The following NRG3 variants were observed in gnomAD, a reference collection of about 807,000 sequenced individuals.
The protein encoded by NRG3 is pro-neuregulin-3, membrane-bound isoform.
In NRG3, 31 loss-of-function variants were observed where a neutral mutation model predicts 66.9. The observed-to-expected ratio is 0.46, with a 90% CI of 0.35 to 0.63. The LOEUF (loss-of-function observed/expected upper bound fraction) is 0.63, where lower values mean the gene tolerates loss of function less well. Ranked by LOEUF, NRG3 falls within the 20% of genes least tolerant of loss-of-function variation. The pLI is 0.00. For synonymous variants in NRG3, 393 were observed against 359.4 expected (o/e 1.09, Z -1.06); for missense variants, 910 against 878.9 (o/e 1.04, Z -0.45).
At chr10:82,231,799 C>T (rs2076481714) in intron 1 of NRG3, among the ~76,000 whole-genome samples, 1 of 152,148 alleles carries the variant, frequency 6.6e-6, no homozygotes, top group African/African-American at 2.4e-5. Context: ...CAAAATGTTA[C>T]ATATCATTGT....
At chr10:82,110,310 A>T (rs781142121) in intron 1 of NRG3, among the ~76,000 whole-genome samples, 19 of 152,148 alleles carry the variant, frequency 1.2e-4, no homozygotes, top group Non-Finnish European at 2.5e-4. Context: ...TGGAGTGAAC[A>T]TGGGTGGGTG....
At chr10:82,036,664 T>C (rs2062805362) in intron 1 of NRG3, among the ~76,000 whole-genome samples, 1 of 152,156 alleles carries the variant, frequency 6.6e-6, no homozygotes, top group African/African-American at 2.4e-5. Context: ...TAGTACAGCA[T>C]TAACTATAAG....
chr10:82,624,017 A>T (rs2133645387), intron 2 of NRG3, among the ~76,000 whole-genome samples: 1 of 152,228 alleles, frequency 6.6e-6, no homozygotes, highest in South Asian at 2.1e-4. Context: ...CATGCTAAAT[A>T]TTATTGCTTT....
At chr10:82,487,608 C>T (rs1197469570) in intron 2 of NRG3, among the ~76,000 whole-genome samples, 1 of 152,122 alleles carries the variant, frequency 6.6e-6, no homozygotes, top group Non-Finnish European at 1.5e-5. Context: ...TTAGGCTTCA[C>T]ATCTAGTTGG....
chr10:82,207,127 G>T (rs1423499396), intron 1 of NRG3, among the ~76,000 whole-genome samples: 1 of 152,136 alleles, frequency 6.6e-6, no homozygotes, highest in Non-Finnish European at 1.5e-5. Context: ...TGACCTTTAA[G>T]GTATGTTCTA....
chr10:82,881,032 G>C (rs1591816919), intron 4 of NRG3, among the ~76,000 whole-genome samples: 1 of 152,186 alleles, frequency 6.6e-6, no homozygotes, highest in East Asian at 1.9e-4. Flanking sequence ...GTTGGAATAA[G>C]AGTGTGCTTT....
rs2064729146 is a variant in NRG3 at position 82,070,256 on chromosome 10, G to T, written c.823+194093G>T. ...AAGTTACTTTTTCCACATTGAGGGG[G>T]CCTTTCATGAGTACCAGGGAGAATG... is the stretch of plus-strand genomic sequence containing the variant. On this transcript the variant is annotated intron_variant, in intron 1 of 8. Transcript: ENST00000372141. Among the ~76,000 whole-genome samples, 3 of 152,236 alleles carry T rather than the reference G, an allele frequency of 2.0e-5. No homozygotes were observed. The South Asian group carries it at 6.2e-4, about 32-fold the overall frequency.
intron 2 of NRG3, among the ~76,000 whole-genome samples, chr10:82,512,682 C>G (rs941555847): frequency 5.3e-5 from 8 of 152,190 alleles, no homozygotes; most frequent in Non-Finnish European, 1.2e-4. Context: ...GCATGCTATT[C>G]TGATCTCCGC....
chr10:82,288,566 G>A (rs569560964), intron 1 of NRG3, among the ~76,000 whole-genome samples: 4 of 152,252 alleles, frequency 2.6e-5, no homozygotes, highest in South Asian at 4.1e-4. Context: ...CATTTATTGA[G>A]TGCCTACCAC....
intron 1 of NRG3, among the ~76,000 whole-genome samples, chr10:82,302,354 C>T (rs1164945790): frequency 6.6e-6 from 1 of 152,102 alleles, no homozygotes; most frequent in African/African-American, 2.4e-5. Flanking sequence ...CACAATTTAT[C>T]AGTAATCATA....
At chr10:82,036,921 T>C (rs1564757832) in intron 1 of NRG3, among the ~76,000 whole-genome samples, 1 of 152,146 alleles carries the variant, frequency 6.6e-6, no homozygotes, top group Non-Finnish European at 1.5e-5. Context: ...TGCTATAACA[T>C]GTCAATAGCC....
intron 2 of NRG3, among the ~76,000 whole-genome samples, chr10:82,611,220 G>A (rs1336936165): frequency 2.0e-5 from 3 of 151,622 alleles, no homozygotes; most frequent in Admixed American, 6.6e-5. Flanking sequence ...CATCGAAACT[G>A]AATTTTTCTT....
chr10:81,992,200 AT>A (rs1260124838), intron 1 of NRG3, among the ~76,000 whole-genome samples: 1 of 151,994 alleles, frequency 6.6e-6, no homozygotes, highest in Non-Finnish European at 1.5e-5. Context: ...AAATAAAATT[AT>A]TTTTTTCTTT....
intron 1 of NRG3, among the ~76,000 whole-genome samples, chr10:82,067,641 C>T (rs1033442127): frequency 6.6e-6 from 1 of 152,220 alleles, no homozygotes; most frequent in Non-Finnish European, 1.5e-5. Context: ...AGCCACCACA[C>T]CTGGCCTGTC....
At chr10:82,511,957 G>A (rs1473042995) in intron 2 of NRG3, among the ~76,000 whole-genome samples, 3 of 152,032 alleles carry the variant, frequency 2.0e-5, no homozygotes, top group African/African-American at 4.8e-5. Flanking sequence ...TTCAGAAACT[G>A]TATTGTTCTT....
chr10:82,301,758 C>T (rs944792639), intron 1 of NRG3, among the ~76,000 whole-genome samples: 2 of 147,520 alleles, frequency 1.4e-5, no homozygotes, highest in African/African-American at 5.0e-5. Flanking sequence ...CCTGATTGTA[C>T]TTTTAAGCTT....
chr10:82,315,588 G>T (rs1485521835), intron 1 of NRG3, among the ~76,000 whole-genome samples: 1 of 151,890 alleles, frequency 6.6e-6, no homozygotes, highest in Non-Finnish European at 1.5e-5. Flanking sequence ...GAACATGGGT[G>T]CATTCTGCTA....
At chr10:82,625,527 A>T (rs895359017) in intron 2 of NRG3, among the ~76,000 whole-genome samples, 1 of 152,148 alleles carries the variant, frequency 6.6e-6, no homozygotes, top group African/African-American at 2.4e-5. Flanking sequence ...GTATGAAGCA[A>T]TCCTTCTTAA....
chr10:82,711,247 T>G lies in NRG3; in HGVS notation c.954-27330T>G, dbSNP rs145316231. On this transcript the variant is annotated intron_variant, in intron 2 of 8. Transcript: ENST00000372141. ...GTGTGTGCAACCATGTCTGGCTATT[T>G]TATTTTTTATTTTTATTTTTTTAGA... Among the ~76,000 whole-genome samples the G allele has an allele frequency of 5.2e-3, 791 of 152,126 alleles. 4 individuals carry two copies. The highest frequency in any genetic ancestry group is 8.1e-3 in the Non-Finnish European group (549 of 68,008).
Sources: allele counts gnomAD v4.1 joint callset (sites outside exome capture counted in the v4.1 genomes callset), GRCh38; gene constraint gnomAD v4.1.1; transcripts MANE v1.5; gene names NCBI Gene and HGNC (gene_info 2026-07-23, HGNC 2026-07-21).